Variants in ZNF536 observed in about 807,000 individuals in gnomAD.
ZNF536 encodes the protein zinc finger protein 536.
Under a neutral mutation model 84.5 loss-of-function variants are expected in ZNF536, and 13 were observed. That is an observed-to-expected ratio of 0.15 (90% CI 0.10 to 0.24). The LOEUF is 0.24. Among genes scored for constraint, ZNF536 ranks in the 10% least tolerant of loss-of-function variants. The pLI is 1.00. For synonymous variants in ZNF536, 811 were observed against 742.5 expected (o/e 1.09, Z -1.50); for missense variants, 1,536 against 1,747.5 (o/e 0.88, Z 2.16).
chr19:30,667,521 G>A (rs2050377552), intron 1 of ZNF536, among the ~76,000 whole-genome samples: 1 of 152,070 alleles, frequency 6.6e-6, no homozygotes, highest in Non-Finnish European at 1.5e-5. Flanking sequence ...GACCTGAAAT[G>A]CCGAAGTGTC....
At chr19:30,366,360 A>ATCTC (rs2048428554) in intron 3 of ZNF536, among the ~76,000 whole-genome samples, 1 of 117,880 alleles carries the variant, frequency 8.5e-6, no homozygotes, top group Admixed American at 8.8e-5. Context: ...TACCTATCAT[A>ATCTC]TCTCTATCTA....
chr19:30,269,244 C>T (rs1030226877), intron 1 of ZNF536, among the ~76,000 whole-genome samples: 1 of 152,176 alleles, frequency 6.6e-6, no homozygotes, highest in African/African-American at 2.4e-5. Context: ...CTGCACAGAT[C>T]TGTACAAGGT....
intron 2 of ZNF536, among the ~76,000 whole-genome samples, chr19:30,294,953 T>C (rs2045952695): frequency 6.6e-6 from 1 of 152,082 alleles, no homozygotes; most frequent in Admixed American, 6.5e-5. Flanking sequence ...CTGGGTGACA[T>C]TGGAGAGCCT....
intron 1 of ZNF536, among the ~76,000 whole-genome samples, chr19:30,283,742 G>GAGA (rs1568303082): frequency 8.2e-5 from 12 of 146,746 alleles, no homozygotes; most frequent in African/African-American, 3.0e-4. Context: ...AGAGAGAGAG[G>GAGA]GAGAGAGAGA....
chr19:30,484,979 TA>T (rs557381127), intron 2 of ZNF536, among the ~76,000 whole-genome samples: 1 of 151,602 alleles, frequency 6.6e-6, no homozygotes, highest in African/African-American at 2.4e-5. Flanking sequence ...CCGTCTCTAC[TA>T]AAAAATACAA....
intron 2 of ZNF536, among the ~76,000 whole-genome samples, chr19:30,483,492 C>A (rs1366425529): frequency 6.7e-6 from 1 of 149,482 alleles, no homozygotes; most frequent in Non-Finnish European, 1.5e-5. Context: ...CCCCACCCCA[C>A]CCCACCCATC....
intron 2 of ZNF536, among the ~76,000 whole-genome samples, chr19:30,309,498 C>G (rs944151946): frequency 6.6e-6 from 1 of 152,156 alleles, no homozygotes; most frequent in African/African-American, 2.4e-5. Flanking sequence ...CACAGTTGTG[C>G]GGCTGAAAAG....
intron 1 of ZNF536, among the ~76,000 whole-genome samples, chr19:30,231,192 C>T (rs1404965018): frequency 6.6e-6 from 1 of 152,178 alleles, no homozygotes; most frequent in African/African-American, 2.4e-5. Context: ...TTCTGCAGGT[C>T]AACATTTGTC....
rs371716471 is a variant in ZNF536 at position 30,611,081 on chromosome 19, G to A, written c.169+61567G>A. ...ACAACTTGTGGAAAATAGGAAGGTC[G>A]TTGTTAGGATAGGGTTAGGAGAGGG... On this transcript the variant is annotated intron_variant, in intron 1 of 1. Coordinates refer to the ZNF536 transcript ENST00000592773. Among the ~76,000 whole-genome samples the A allele has an allele frequency of 5.3e-4, 81 of 152,294 alleles. No individual in the cohort carries two copies. In the South Asian group the frequency reaches 0.016, roughly 29 times the overall value.
intron 2 of ZNF536, among the ~76,000 whole-genome samples, chr19:30,448,898 C>A (rs1049773936): frequency 6.6e-5 from 10 of 152,106 alleles, no homozygotes; most frequent in African/African-American, 9.7e-5. Context: ...ACAGTTATTG[C>A]CGAGATGGGC....
chr19:30,294,353 G>A (rs991905010), intron 2 of ZNF536, among the ~76,000 whole-genome samples: 2 of 152,142 alleles, frequency 1.3e-5, no homozygotes, highest in Admixed American at 6.5e-5. Context: ...TTCTAATGTG[G>A]ATGTGTGTGT....
At chr19:30,360,005 C>A (rs779060845) in intron 3 of ZNF536, among the ~76,000 whole-genome samples, 2 of 152,332 alleles carry the variant, frequency 1.3e-5, no homozygotes, top group Non-Finnish European at 2.9e-5. Flanking sequence ...CTGGTCCAGA[C>A]TCTTCTCCTT....
At chr19:30,439,976 TTTTTG>T in intron 1 of ZNF536, among the ~76,000 whole-genome samples, 1 of 144,406 alleles carries the variant, frequency 6.9e-6, no homozygotes, top group African/African-American at 2.6e-5. Flanking sequence ...TTTTTTTTTT[TTTTTG>T]ACAGAGTCTC....
chr19:30,705,972 G>T lies in ZNF536; in HGVS notation c.170-4785G>T, dbSNP rs370986808. ...AAATCATGATTAATATTTTAAAATC[G>T]ATTGGTGGAAAAAAGGTACTAAGTG... On this transcript the variant is annotated intron_variant, in intron 1 of 1. Transcript: ENST00000592773. 2.0e-5 allele frequency among the ~76,000 whole-genome samples: 3 copies of T among 152,128 alleles called. No individual in the cohort carries two copies. In the South Asian group the frequency reaches 6.2e-4, roughly 32 times the overall value.
At chr19:30,509,717 A>G (rs1336882412) in intron 2 of ZNF536, among the ~76,000 whole-genome samples, 1 of 152,174 alleles carries the variant, frequency 6.6e-6, no homozygotes, top group Non-Finnish European at 1.5e-5. Flanking sequence ...TTTAGCATGA[A>G]TCCCACAATC....
chr19:30,295,136 A>G (rs1031683298), intron 2 of ZNF536, among the ~76,000 whole-genome samples: 6 of 152,216 alleles, frequency 3.9e-5, no homozygotes, highest in African/African-American at 1.2e-4. Context: ...GATTCTGCAT[A>G]CTTAACAGGC....
At chr19:30,592,359 G>T (rs1029219752) in intron 1 of ZNF536, among the ~76,000 whole-genome samples, 1 of 152,106 alleles carries the variant, frequency 6.6e-6, no homozygotes, top group Non-Finnish European at 1.5e-5. Flanking sequence ...TCCCCTTCCG[G>T]CAACTTATTT....
At chr19:30,261,963 C>A (rs1406553040) in intron 1 of ZNF536, among the ~76,000 whole-genome samples, 1 of 152,082 alleles carries the variant, frequency 6.6e-6, no homozygotes, top group South Asian at 2.1e-4. Context: ...AGTCCCACCC[C>A]CTCTTCACAT....
At chr19:30,418,828 T>C (rs1368445) in intron 1 of ZNF536, among the ~76,000 whole-genome samples, 144,125 of 152,274 alleles carry the variant, frequency 0.95, 68,309 homozygotes, top group Non-Finnish European at 0.97. Flanking sequence ...TTTAAACTCT[T>C]ATTTACATAA....
Sources: allele counts gnomAD v4.1 joint callset (sites outside exome capture counted in the v4.1 genomes callset), GRCh38; gene constraint gnomAD v4.1.1; transcripts MANE v1.5; gene names NCBI Gene and HGNC (gene_info 2026-07-23, HGNC 2026-07-21).